Variants in ADGRD2 observed in about 807,000 individuals in gnomAD.
ADGRD2 encodes the protein G protein-coupled receptor PGR24.
In ADGRD2, 71 loss-of-function variants were observed where a neutral mutation model predicts 44.4. The observed-to-expected ratio is 1.60, with a 90% CI of 1.32 to 1.95. The LOEUF (loss-of-function observed/expected upper bound fraction) is 1.95, where lower values mean the gene tolerates loss of function less well. Ranked by LOEUF, ADGRD2 falls within the 30% of genes most tolerant of loss-of-function variation. The pLI, the probability that ADGRD2 is intolerant of heterozygous loss-of-function variation, is 0.00. For synonymous variants in ADGRD2, 481 were observed against 224.8 expected, an observed-to-expected ratio of 2.14 and a Z score of -10.19; for missense variants, 1,039 against 512.4, an observed-to-expected ratio of 2.03 and a Z score of -9.92.
chr9:124,464,613 T>C (rs1004672225), intron 10 of ADGRD2, among the ~76,000 whole-genome samples: 21 of 152,236 alleles, frequency 1.4e-4, no homozygotes, highest in Non-Finnish European at 2.5e-4. Context: ...AAGCTCAGGC[T>C]ACCTTCCCTA....
chr9:124,475,734 G>A, intron 19 of ADGRD2, 119 bp downstream of exon 22: 1 of 556,054 alleles, frequency 1.8e-6, no homozygotes, highest in Non-Finnish European at 3.2e-6. Flanking sequence ...CCAGCCTGAG[G>A]CCCCCAGGCC....
At chr9:124,477,653 C>G (rs1382175791) in intron 21 of ADGRD2, among the ~76,000 whole-genome samples, 1 of 152,220 alleles carries the variant, frequency 6.6e-6, no homozygotes, top group Non-Finnish European at 1.5e-5. Flanking sequence ...GCCGCGTGAA[C>G]CCGGGTTGTG....
chr9:124,471,854 T>G (rs769172067), intron 17 of ADGRD2, among the ~76,000 whole-genome samples: 4 of 152,150 alleles, frequency 2.6e-5, no homozygotes. Flanking sequence ...AGGCAGACCA[T>G]GGCCACGATG....
At chr9:124,456,806 C>A in intron 7 of ADGRD2, 73 bp downstream of exon 10, 1 of 697,942 alleles carries the variant, frequency 1.4e-6, no homozygotes, top group South Asian at 1.5e-5. Flanking sequence ...TGGGAGCTGT[C>A]TGAACTTCCA....
exon 2 of ADGRD2, chr9:124,452,634 G>T: frequency 1.4e-6 from 1 of 718,286 alleles, no homozygotes; most frequent in Non-Finnish European, 2.6e-6. Context: ...TGGCACTGCA[G>T]CCCCCTGATG....
exon 2 of ADGRD2, chr9:124,452,664 G>A: frequency 1.4e-6 from 1 of 717,622 alleles, no homozygotes; most frequent in East Asian, 2.7e-5. Context: ...CTTCACGGCT[G>A]CGCGATCCGG....
Position 124,454,032 on chromosome 9 carries a change from G to A in ADGRD2, c.959G>A (p.Gly320Glu), listed in dbSNP as rs1259797434. The A allele has an allele frequency of 7.0e-6, 5 of 713,206 alleles. No individual in the cohort carries two copies. The African/African-American group carries it at 8.8e-5, about 12-fold the overall frequency. 44.2% of individuals were successfully genotyped at this position (713,206 alleles called of 1,614,324 possible). Residue 320 changes from glycine (G) to glutamate (E), a missense_variant, in exon 4 of 22, where the codon GGA becomes GAA. Transcript: ENST00000334810. The surrounding 1 kb of genome is among the most constrained non-coding windows in gnomAD (Gnocchi z 4.5). ...GAGGAGTGCCCTACGTGGAACCCGGGACCTCGCAGTGAGGGCTCTGAGCTC... is the reference window on the plus strand; with the variant it reads ...GAGGAGTGCCCTACGTGGAACCCGGAACCTCGCAGTGAGGGCTCTGAGCTC...
chr9:124,452,113 C>A (rs1831486955), exon 1 of ADGRD2: 1 of 717,432 alleles, frequency 1.4e-6, no homozygotes, highest in African/African-American at 1.8e-5. Flanking sequence ...TCTGGGACCC[C>A]CTCCAACTCC....
intron 13 of ADGRD2, 78 bp downstream of exon 16, chr9:124,468,268 GC>G: frequency 1.4e-6 from 1 of 710,910 alleles, no homozygotes. Flanking sequence ...GTGACCCCCT[GC>G]CCCCAACTAT....
At chr9:124,456,269 T>C (rs1177129174) in intron 6 of ADGRD2, among the ~76,000 whole-genome samples, 1 of 152,192 alleles carries the variant, frequency 6.6e-6, no homozygotes, top group Non-Finnish European at 1.5e-5. Context: ...ACCACCCCCA[T>C]CCATGGCTTT....
At chr9:124,453,697 G>GCCCCCCC in intron 3 of ADGRD2, 21 bp downstream of exon 6, 2 of 526,284 alleles carry the variant, frequency 3.8e-6, no homozygotes, top group Admixed American at 2.5e-5. Context: ...CCCCGCCCCG[G>GCCCCCCC]CCCCACCCCA....
upstream of ADGRD2, chr9:124,451,174 T>C (rs1831458720): frequency 2.1e-6 from 1 of 472,110 alleles, no homozygotes; most frequent in Non-Finnish European, 4.4e-6. Context: ...AGGGGAAAGG[T>C]GGCTGCACGG....
intron 8 of ADGRD2, 70 bp from the exon 12 acceptor site, chr9:124,458,043 C>A (rs1831650286): frequency 4.2e-6 from 3 of 710,922 alleles, no homozygotes; most frequent in Non-Finnish European, 7.9e-6. Flanking sequence ...GAGAGCATCA[C>A]CCTCGGGGCC....
At chr9:124,469,981 G>A (rs79391798) in intron 16 of ADGRD2, among the ~76,000 whole-genome samples, 2,635 of 152,236 alleles carry the variant, frequency 0.017, 33 homozygotes, top group Admixed American at 0.032. Flanking sequence ...CCAAAGACCC[G>A]CATCGCCCTC....
intron 17 of ADGRD2, among the ~76,000 whole-genome samples, chr9:124,472,669 G>C (rs1402385907): frequency 1.3e-5 from 2 of 151,990 alleles, no homozygotes; most frequent in Non-Finnish European, 2.9e-5. Context: ...ACCACGCCTG[G>C]ATAATTTTCT....
At chr9:124,458,670 C>T (rs777020571) in exon 10 of ADGRD2, 4 of 718,756 alleles carry the variant, frequency 5.6e-6, no homozygotes, top group South Asian at 4.4e-5. Flanking sequence ...TGTGGGACGT[C>T]ACTGGAGAGG....
chr9:124,468,078 T>C lies in ADGRD2; in HGVS notation c.2131-10T>C, dbSNP rs921195727. ...GTGTTCTTGTTAACTGACTCCTCTG[T>C]CCTCTCCAGGGTCCCCAAGTCAGAG... On this transcript the variant is annotated splice_polypyrimidine_tract_variant and intron_variant, in intron 12 of 21. Transcript: ENST00000334810. The C allele has an allele frequency of 1.4e-5, 10 of 718,448 alleles. No homozygotes were observed. In the African/African-American group the frequency reaches 1.7e-4, roughly 13 times the overall value. The allele number at this position is 718,448 out of a possible 1,614,324, so 44.5% of individuals were successfully genotyped here.
At position 124,470,503 on chromosome 9, in the gene ADGRD2, G is replaced by A; in HGVS notation, c.2649G>A (p.Val883=). The change falls in exon 17 of 22, where the codon GTG becomes GTA. Residue 883 remains valine (V), a synonymous_variant. Transcript: ENST00000334810. ...GCCTGCCCTCCTACAGGGCCACGGT[G>A]AAGCCCGTGCTGGTCCTGCTGCCCG... The A allele has an allele frequency of 5.6e-6, 4 of 710,674 alleles. No homozygotes were observed. The South Asian group carries it at 5.9e-5, about 11-fold the overall frequency. The allele number at this position is 710,674 out of a possible 1,614,324, so 44.0% of individuals were successfully genotyped here.
At chr9:124,475,702 G>A in intron 19 of ADGRD2, 87 bp downstream of exon 22, 2 of 561,542 alleles carry the variant, frequency 3.6e-6, no homozygotes, top group Non-Finnish European at 3.2e-6. Flanking sequence ...TAAGTCCCGT[G>A]CCAGCCCTGC....
Sources: allele counts gnomAD v4.1 joint callset (sites outside exome capture counted in the v4.1 genomes callset), GRCh38; gene constraint gnomAD v4.1.1; non-coding constraint Gnocchi (gnomAD v3.1); transcripts MANE v1.5; gene names NCBI Gene and HGNC (gene_info 2026-07-23, HGNC 2026-07-21).